The following FBXO25 variants were observed in gnomAD, a reference collection of about 807,000 sequenced individuals.
FBXO25 encodes F-box only protein 25.
Under a neutral mutation model 51.9 loss-of-function variants are expected in FBXO25, and 45 were observed. That is an observed-to-expected ratio of 0.87 (90% CI 0.68 to 1.11). The LOEUF is 1.11. Ranked by LOEUF, FBXO25 falls within the 50% of genes most tolerant of loss-of-function variation. The pLI is 0.00. For missense variants in FBXO25, 507 were observed against 428.5 expected, an observed-to-expected ratio of 1.18 and a Z score of -1.62; for synonymous variants, 199 against 151.0, an observed-to-expected ratio of 1.32 and a Z score of -2.33.
rs574962494 is a variant in FBXO25 at position 407,407 on chromosome 8, C to G, written c.-8+341C>G. On this transcript the variant is annotated intron_variant, in intron 1 of 9. Coordinates refer to ENST00000350302, the MANE Select transcript of FBXO25 (RefSeq NM_183420.2). ...TCAGGTAGGGACGATGGGCCGCGGG[C>G]GCGTCAGGTGGGGTCTGGGGGCGGC... The G allele has an allele frequency of 2.7e-4, 267 of 984,704 alleles. 3 individuals are homozygous for G. In the South Asian group the frequency reaches 0.011, roughly 41 times the overall value. 61.0% of individuals were successfully genotyped at this position (984,704 alleles called of 1,614,324 possible).
intron 2 of FBXO25, among the ~76,000 whole-genome samples, chr8:421,206 C>G (rs1422491471): frequency 6.6e-6 from 1 of 152,096 alleles, no homozygotes; most frequent in Non-Finnish European, 1.5e-5. Context: ...GTTGCTCACT[C>G]CTTTTGAGAC....
intron 8 of FBXO25, among the ~76,000 whole-genome samples, chr8:459,150 T>A (rs1309915237): frequency 6.6e-6 from 1 of 152,194 alleles, no homozygotes; most frequent in East Asian, 1.9e-4. Context: ...GGGGTTCCCC[T>A]CGTCACCCCA....
At position 450,161 on chromosome 8, in the gene FBXO25, T is replaced by A. The variant is rs182390506; in HGVS notation, c.475+78T>A. On this transcript the variant is annotated intron_variant, in intron 6 of 9. Transcript: ENST00000350302. ...GCAAGGAGATGGGATTTTTCTTTTA[T>A]CTTTACCCAGTACACATACTGTCAA... The A allele has an allele frequency of 7.8e-5, 81 of 1,042,746 alleles. No homozygotes were observed. The Admixed American group carries it at 1.0e-3, about 13-fold the overall frequency. The allele number at this position is 1,042,746 out of a possible 1,614,324, so 64.6% of individuals were successfully genotyped here.
At chr8:438,918 C>G (rs1255840633) in intron 5 of FBXO25, among the ~76,000 whole-genome samples, 2 of 152,202 alleles carry the variant, frequency 1.3e-5, no homozygotes, top group Non-Finnish European at 2.9e-5. Context: ...GTCTGCGTCC[C>G]CATCCCAGTT....
At position 470,070 on chromosome 8, in the gene FBXO25, C is replaced by T. The variant is rs995190638; in HGVS notation, c.*1266C>T. On this transcript the variant is annotated 3_prime_UTR_variant, in exon 10 of 10. Transcript: ENST00000350302. The stretch of plus-strand genomic sequence containing the variant: ...ACCACTGTTACTTCACAACGCCCCC[C>T]GTCCCGACCCTGCCTTTTTTTAGAA... 6.5e-5 allele frequency: 9 copies of T among 138,126 alleles called. No individual in the cohort carries two copies. Among genetic ancestry groups the T allele is most frequent in the South Asian group, 2.3e-4 (1 of 4,388 alleles). 8.6% of individuals were successfully genotyped at this position (138,126 alleles called of 1,614,324 possible). A position where few individuals can be genotyped will look rare whatever the true frequency, so the allele number is the denominator to read the frequency against.
intron 1 of FBXO25, among the ~76,000 whole-genome samples, chr8:412,032 C>T (rs1218070610): frequency 6.6e-6 from 1 of 152,152 alleles, no homozygotes; most frequent in South Asian, 2.1e-4. Context: ...AACCACTGAT[C>T]AAGAGGAGCA....
At chr8:453,500 C>A (rs1332676787) in intron 7 of FBXO25, among the ~76,000 whole-genome samples, 1 of 152,136 alleles carries the variant, frequency 6.6e-6, no homozygotes, top group South Asian at 2.1e-4. Context: ...GTAGAAAGAG[C>A]ACTTTACCAG....
At chr8:415,380 A>G (rs1414519378) in intron 2 of FBXO25, among the ~76,000 whole-genome samples, 1 of 152,236 alleles carries the variant, frequency 6.6e-6, no homozygotes, top group Non-Finnish European at 1.5e-5. Context: ...CAGCCAGTTC[A>G]TACTCTGAAA....
chr8:433,700 A>T (rs186540170), intron 4 of FBXO25, among the ~76,000 whole-genome samples: 3,181 of 152,258 alleles, frequency 0.021, 90 homozygotes, highest in African/African-American at 0.073. Context: ...TTTTGCAACA[A>T]TTGGGGAAAA....
At chr8:440,234 A>G (rs1245249189) in intron 5 of FBXO25, among the ~76,000 whole-genome samples, 1 of 152,244 alleles carries the variant, frequency 6.6e-6, no homozygotes, top group Non-Finnish European at 1.5e-5. Context: ...AGATTTTAGC[A>G]TCTACCTCAG....
intron 8 of FBXO25, among the ~76,000 whole-genome samples, chr8:459,117 T>C (rs764260014): frequency 2.5e-4 from 38 of 152,218 alleles, no homozygotes; most frequent in Non-Finnish European, 4.9e-4. Context: ...GTGGTCCCTG[T>C]TCCTGGGCCT....
chr8:465,244 A>C (rs1010851619), intron 9 of FBXO25, among the ~76,000 whole-genome samples: 37 of 152,166 alleles, frequency 2.4e-4, no homozygotes, highest in African/African-American at 8.4e-4. Flanking sequence ...TCTTCTCTGA[A>C]ATATTAACAC....
In FBXO25 at chr8:474,442, A is replaced by C. The variant is rs1260018701; in HGVS notation, c.*5638A>C. 3.3e-6 allele frequency: 1 copy of C among 301,062 alleles called. No homozygotes were observed. The highest frequency in any genetic ancestry group is 6.4e-6 in the Non-Finnish European group (1 of 156,386). 18.6% of individuals were successfully genotyped at this position (301,062 alleles called of 1,614,324 possible). Reference sequence around the variant, plus strand: ...GAGTCTCTGCTTTCAATCATATGGCAATCCTATGTTTAATTTCTTAGGGCA... The same window carrying C: ...GAGTCTCTGCTTTCAATCATATGGCCATCCTATGTTTAATTTCTTAGGGCA... On this transcript the variant is annotated 3_prime_UTR_variant, in exon 10 of 10. Coordinates refer to ENST00000350302, the MANE Select transcript of FBXO25 (RefSeq NM_183420.2).
intron 5 of FBXO25, among the ~76,000 whole-genome samples, chr8:439,382 T>G (rs1227200072): frequency 2.0e-5 from 3 of 152,216 alleles, no homozygotes; most frequent in Admixed American, 2.0e-4. Context: ...ATAAAAATGT[T>G]AAATATGCTC....
chr8:412,871 C>T (rs543998150), intron 1 of FBXO25, among the ~76,000 whole-genome samples: 9 of 152,166 alleles, frequency 5.9e-5, no homozygotes, highest in Non-Finnish European at 1.2e-4. Context: ...GCCAGTAAAA[C>T]CACGTTTACT....
At chr8:467,844 T>G (rs531587898) in intron 9 of FBXO25, 1 of 1,596,692 alleles carries the variant, frequency 6.3e-7, no homozygotes, top group African/African-American at 1.3e-5. Flanking sequence ...CCGGCTCGAT[T>G]CCAGCTCTCG....
At chr8:417,762 A>G (rs1291888676) in intron 2 of FBXO25, among the ~76,000 whole-genome samples, 3 of 152,162 alleles carry the variant, frequency 2.0e-5, no homozygotes, top group African/African-American at 4.8e-5. Context: ...CTCATTCATT[A>G]TAAGGATGGC....
At chr8:450,131 T>C (rs749780986) in intron 6 of FBXO25, 48 bp downstream of exon 6, 25 of 1,409,220 alleles carry the variant, frequency 1.8e-5, no homozygotes, top group African/African-American at 2.9e-5. Context: ...AATTAGAAAT[T>C]TGGTGCAAGG....
At chr8:422,599 G>A (rs1051289180) in intron 2 of FBXO25, among the ~76,000 whole-genome samples, 3 of 152,172 alleles carry the variant, frequency 2.0e-5, no homozygotes, top group Non-Finnish European at 4.4e-5. Flanking sequence ...GCATGAAGGT[G>A]GGTGGAAACT....
Sources: allele counts gnomAD v4.1 joint callset (sites outside exome capture counted in the v4.1 genomes callset), GRCh38; gene constraint gnomAD v4.1.1; transcripts MANE v1.5; gene names NCBI Gene and HGNC (gene_info 2026-07-23, HGNC 2026-07-21).